Variants in VIPAS39 observed in about 807,000 individuals in gnomAD.
VIPAS39 encodes spermatogenesis-defective protein 39 homolog.
A neutral mutation model predicts 84.7 loss-of-function variants in VIPAS39; 63 were observed. That is an observed-to-expected ratio of 0.74 (90% CI 0.61 to 0.92). The LOEUF (loss-of-function observed/expected upper bound fraction) is 0.92. Ranked by LOEUF, VIPAS39 falls within the 40% of genes least tolerant of loss-of-function variation. The pLI is 0.00. For synonymous variants in VIPAS39, 192 were observed against 216.5 expected, an observed-to-expected ratio of 0.89 and a Z score of 0.99; for missense variants, 499 against 604.5, an observed-to-expected ratio of 0.83 and a Z score of 1.83.
intron 14 of VIPAS39, among the ~76,000 whole-genome samples, chr14:77,434,890 C>A (rs2078582598): frequency 6.6e-6 from 1 of 150,810 alleles, no homozygotes; most frequent in Non-Finnish European, 1.5e-5. Context: ...CAGAGCAAGA[C>A]TCCATCTCAG....
intron 16 of VIPAS39, among the ~76,000 whole-genome samples, chr14:77,432,894 C>T (rs2078545670): frequency 6.6e-6 from 1 of 152,124 alleles, no homozygotes. Flanking sequence ...GTTCTTACCA[C>T]ACTCACAAAA....
chr14:77,438,699 A>G (rs1051166764), intron 11 of VIPAS39, among the ~76,000 whole-genome samples: 6 of 152,196 alleles, frequency 3.9e-5, no homozygotes, highest in African/African-American at 1.4e-4. Context: ...AAAGTCCAAG[A>G]GCTAAATACC....
At chr14:77,433,722 GT>G in intron 16 of VIPAS39, 119 bp downstream of exon 16, 1 of 930,026 alleles carries the variant, frequency 1.1e-6, no homozygotes, top group Admixed American at 2.5e-5. Context: ...TTTTCTTTAG[GT>G]TTGAAATTTT....
At chr14:77,436,087 A>T (rs2078607000) in intron 12 of VIPAS39, among the ~76,000 whole-genome samples, 168 bp from the exon 13 acceptor site, 2 of 152,224 alleles carry the variant, frequency 1.3e-5, no homozygotes, top group Non-Finnish European at 2.9e-5. Flanking sequence ...GAATGGCGTG[A>T]ATTTCATATT....
At chr14:77,457,249 G>A in intron 1 of VIPAS39, 6 of 1,534,062 alleles carry the variant, frequency 3.9e-6, no homozygotes, top group Non-Finnish European at 5.2e-6. Context: ...GAGCCCAGCG[G>A]ATCCCTGGCA....
chr14:77,444,207 A>T, intron 8 of VIPAS39, 42 bp downstream of exon 8: 1 of 1,583,708 alleles, frequency 6.3e-7, no homozygotes, highest in Non-Finnish European at 8.7e-7. Flanking sequence ...GAAACTAGTG[A>T]AAACAATAAT....
rs2078446437 is a variant in VIPAS39 at position 77,427,414 on chromosome 14, A to G, written c.*202T>C. The stretch of plus-strand genomic sequence containing the variant: ...GTGGAGAGAATCATTCTCATGACTC[A>G]AAGCTTTAGATCTCGATCCTCAGAT... On this transcript the variant is annotated 3_prime_UTR_variant, in exon 20 of 20. Transcript: ENST00000557658. 3.2e-6 allele frequency: 2 copies of G among 626,268 alleles called. No homozygotes were observed. The highest frequency in any genetic ancestry group is 3.7e-5 in the African/African-American group (2 of 54,514). The allele number at this position is 626,268 out of a possible 1,614,324, so 38.8% of individuals were successfully genotyped here. A position where few individuals can be genotyped will look rare whatever the true frequency, so the allele number is the denominator to read the frequency against.
chr14:77,453,256 G>A (rs200936786), intron 3 of VIPAS39, 43 bp downstream of exon 3: 206 of 1,582,126 alleles, frequency 1.3e-4, no homozygotes, highest in Non-Finnish European at 1.0e-4. Context: ...TCAGTGATAA[G>A]AATCCTCAAC....
chr14:77,454,001 T>C lies in VIPAS39; in HGVS notation c.93+9A>G, dbSNP rs202064596. On this transcript the variant is annotated intron_variant, in intron 2 of 19. Coordinates refer to ENST00000557658, the MANE Select transcript of VIPAS39 (RefSeq NM_001193315.2). ...TGGAGAAGAGTACAAACTTCAGCAG[T>C]TGACCTACCTGTGAAAGCTCATCGT... is the stretch of plus-strand genomic sequence containing the variant. The C allele has an allele frequency of 3.7e-6, 6 of 1,614,068 alleles. No individual in the cohort carries two copies. The East Asian group carries it at 1.1e-4, about 30-fold the overall frequency.
At chr14:77,432,113 T>C (rs912758093) in intron 16 of VIPAS39, among the ~76,000 whole-genome samples, 2 of 152,174 alleles carry the variant, frequency 1.3e-5, no homozygotes, top group Non-Finnish European at 2.9e-5. Flanking sequence ...TTAGCTGTTT[T>C]TGCCACAAAA....
intron 16 of VIPAS39, among the ~76,000 whole-genome samples, chr14:77,431,396 T>A (rs1420764841): frequency 1.3e-5 from 2 of 152,130 alleles, no homozygotes; most frequent in South Asian, 2.1e-4. Flanking sequence ...AAAGAAGACA[T>A]GGAAATGGCC....
intron 18 of VIPAS39, 69 bp from the exon 19 acceptor site, chr14:77,428,543 G>T: frequency 2.9e-6 from 4 of 1,377,002 alleles, no homozygotes; most frequent in Non-Finnish European, 4.1e-6. Context: ...GCCCAGGATG[G>T]TCTCAAACTC....
intron 11 of VIPAS39, among the ~76,000 whole-genome samples, chr14:77,438,579 A>C (rs1277280368): frequency 6.6e-6 from 1 of 152,226 alleles, no homozygotes; most frequent in Non-Finnish European, 1.5e-5. Flanking sequence ...GCCAGTGCTG[A>C]CCTATAATGA....
intron 1 of VIPAS39, chr14:77,457,247 C>T: frequency 7.8e-6 from 12 of 1,532,866 alleles, no homozygotes; most frequent in Non-Finnish European, 9.6e-6. Flanking sequence ...CAGAGCCCAG[C>T]GGATCCCTGG....
chr14:77,442,675 C>T lies in VIPAS39; in HGVS notation c.632-13G>A, dbSNP rs201486271. 3.2e-4 allele frequency: 519 copies of T among 1,613,132 alleles called. 3 individuals carry two copies. The highest frequency in any genetic ancestry group is 8.3e-5 in the Non-Finnish European group (98 of 1,179,202). The stretch of plus-strand genomic sequence containing the variant: ...CGGAAGAGGATCTCTGTCAGACAGT[C>T]AGGAGTTAAGTTGAGAAAGATTAAA... On this transcript the variant is annotated splice_polypyrimidine_tract_variant and intron_variant, in intron 9 of 19. Coordinates refer to ENST00000557658, the MANE Select transcript of VIPAS39 (RefSeq NM_001193315.2).
At chr14:77,446,830 G>C (rs2139848748) in intron 7 of VIPAS39, among the ~76,000 whole-genome samples, 1 of 151,836 alleles carries the variant, frequency 6.6e-6, no homozygotes, top group Middle Eastern at 3.5e-3. Context: ...TTTTCTTCTT[G>C]AGACAGGGTC....
At chr14:77,447,488 C>T (rs1282436255) in intron 7 of VIPAS39, among the ~76,000 whole-genome samples, 1 of 151,788 alleles carries the variant, frequency 6.6e-6, no homozygotes, top group Admixed American at 6.6e-5. Flanking sequence ...CGATTTTCAA[C>T]AAAAGCATCA....
intron 4 of VIPAS39, 108 bp downstream of exon 4, chr14:77,451,079 C>T (rs1192345462): frequency 1.3e-6 from 2 of 1,542,410 alleles, no homozygotes; most frequent in East Asian, 2.2e-5. Context: ...AATGAGAATG[C>T]TTTACCCTTC....
At chr14:77,432,369 C>T (rs185358917) in intron 16 of VIPAS39, among the ~76,000 whole-genome samples, 41 of 152,104 alleles carry the variant, frequency 2.7e-4, no homozygotes, top group Non-Finnish European at 5.3e-4. Flanking sequence ...AGGCGTTCCT[C>T]AAAAATGTTT....
Sources: allele counts gnomAD v4.1 joint callset (sites outside exome capture counted in the v4.1 genomes callset), GRCh38; gene constraint gnomAD v4.1.1; transcripts MANE v1.5; gene names NCBI Gene and HGNC (gene_info 2026-07-23, HGNC 2026-07-21).